Variants in MPDZ observed in about 807,000 individuals in gnomAD.
MPDZ encodes the protein multiple PDZ domain protein.
A neutral mutation model predicts 239.1 loss-of-function variants in MPDZ; 234 were observed. That is an observed-to-expected ratio of 0.98 (90% CI 0.88 to 1.09). The LOEUF (loss-of-function observed/expected upper bound fraction) is 1.09. MPDZ is among the 50% of genes least tolerant of loss of function. The pLI, the probability that MPDZ is intolerant of heterozygous loss-of-function variation, is 0.00. For synonymous variants in MPDZ, 1,048 were observed against 881.3 expected, an observed-to-expected ratio of 1.19 and a Z score of -3.35; for missense variants, 3,175 against 2,510.0, an observed-to-expected ratio of 1.26 and a Z score of -5.66.
intron 1 of MPDZ, among the ~76,000 whole-genome samples, chr9:13,250,635 C>G (rs943319322): frequency 6.6e-6 from 1 of 152,124 alleles, no homozygotes; most frequent in Non-Finnish European, 1.5e-5. Context: ...GCAGAAGTTT[C>G]AAACATATTT....
At chr9:13,216,538 G>A (rs1958370517) in intron 10 of MPDZ, among the ~76,000 whole-genome samples, 1 of 151,746 alleles carries the variant, frequency 6.6e-6, no homozygotes, top group Admixed American at 6.6e-5. Context: ...GATATATCAG[G>A]AATTATTCAA....
At chr9:13,127,142 C>T (rs1247639806) in intron 32 of MPDZ, among the ~76,000 whole-genome samples, 3 of 152,154 alleles carry the variant, frequency 2.0e-5, no homozygotes, top group East Asian at 1.9e-4. Flanking sequence ...CAAAGAATCC[C>T]GCTTCTTCTC....
At chr9:13,168,979 G>C (rs1024892925) in intron 21 of MPDZ, among the ~76,000 whole-genome samples, 2 of 152,044 alleles carry the variant, frequency 1.3e-5, no homozygotes, top group Admixed American at 1.3e-4. Context: ...GCAATTATCC[G>C]CTATTACCTT....
At chr9:13,174,400 CAGAT>C (rs1210316056) in intron 21 of MPDZ, among the ~76,000 whole-genome samples, 1 of 152,124 alleles carries the variant, frequency 6.6e-6, no homozygotes, top group East Asian at 1.9e-4. Context: ...TAATAGTTCT[CAGAT>C]AGGCTTTGCA....
chr9:13,149,176 C>A (rs533977278), intron 25 of MPDZ, among the ~76,000 whole-genome samples: 7 of 151,984 alleles, frequency 4.6e-5, no homozygotes, highest in Non-Finnish European at 1.0e-4. Context: ...TATCACTCTT[C>A]CTTATAAACG....
chr9:13,151,656 A>G (rs766517977), intron 24 of MPDZ, among the ~76,000 whole-genome samples: 5 of 152,050 alleles, frequency 3.3e-5, no homozygotes, highest in Non-Finnish European at 7.4e-5. Flanking sequence ...AAGGGGAGTT[A>G]TTGCTTAATG....
intron 12 of MPDZ, among the ~76,000 whole-genome samples, chr9:13,202,189 A>ACTGGAACTAAAACACTTCC (rs1158374030): frequency 7.9e-5 from 12 of 152,168 alleles, no homozygotes; most frequent in Non-Finnish European, 4.4e-5. Flanking sequence ...TTACATGAGT[A>ACTGGAACTAAAACACTTCC]CTGGAACTAA....
intron 1 of MPDZ, among the ~76,000 whole-genome samples, chr9:13,253,808 T>A (rs1398849925): frequency 3.3e-5 from 5 of 152,202 alleles, no homozygotes; most frequent in Non-Finnish European, 1.5e-5. Flanking sequence ...GCACTAATGC[T>A]GAAGCAGAAG....
At position 13,153,219 on chromosome 9, in the gene MPDZ, A is replaced by G. The variant is rs558656301; in HGVS notation, c.3453-2531T>C. ...GATGGGAACCAGCTGAAATGAAAGC[A>G]GACACTGAGGCACATCTTCCTTTGG... On this transcript the variant is annotated intron_variant, in intron 24 of 46. Coordinates refer to ENST00000319217, the MANE Select transcript of MPDZ (RefSeq NM_001378778.1). 2.0e-5 allele frequency among the ~76,000 whole-genome samples: 3 copies of G among 152,284 alleles called. No individual in the cohort carries two copies. The East Asian group carries it at 5.8e-4, about 29-fold the overall frequency.
chr9:13,202,871 A>G (rs2135538245), intron 12 of MPDZ, among the ~76,000 whole-genome samples: 1 of 152,178 alleles, frequency 6.6e-6, no homozygotes, highest in Non-Finnish European at 1.5e-5. Flanking sequence ...GTTCTGGTGA[A>G]CTCAGGGTGG....
chr9:13,199,583 T>C (rs987937187), intron 12 of MPDZ, among the ~76,000 whole-genome samples: 1 of 152,052 alleles, frequency 6.6e-6, no homozygotes, highest in African/African-American at 2.4e-5. Flanking sequence ...TTGTTCCAGA[T>C]CTTAGAGAAA....
At chr9:13,122,995 A>T (rs1944585063) in intron 36 of MPDZ, among the ~76,000 whole-genome samples, 158 bp downstream of exon 36, 1 of 152,222 alleles carries the variant, frequency 6.6e-6, no homozygotes, top group Admixed American at 6.5e-5. Flanking sequence ...CCTCCCCCGT[A>T]TCCAATTGAA....
In MPDZ at chr9:13,234,321, T is replaced by A. The variant is rs920812381; in HGVS notation, c.184-9738A>T. On this transcript the variant is annotated intron_variant, in intron 3 of 46. Transcript: ENST00000319217. ...TGCTATAAAGCATTAAAATATCACTTCTTATATTTCATCTATTCCTTCTGA... is the reference window on the plus strand; with the variant it reads ...TGCTATAAAGCATTAAAATATCACTACTTATATTTCATCTATTCCTTCTGA... Among the ~76,000 whole-genome samples the A allele has an allele frequency of 3.9e-5, 6 of 152,228 alleles. No individual in the cohort carries two copies. In the East Asian group the frequency reaches 9.6e-4, roughly 24 times the overall value.
At chr9:13,182,579 A>C (rs939784429) in intron 19 of MPDZ, among the ~76,000 whole-genome samples, 1 of 152,144 alleles carries the variant, frequency 6.6e-6, no homozygotes, top group African/African-American at 2.4e-5. Context: ...CAAAGAATCA[A>C]AAGAAAAATG....
intron 44 of MPDZ, among the ~76,000 whole-genome samples, chr9:13,110,434 C>T (rs1345263868): frequency 6.6e-6 from 1 of 152,106 alleles, no homozygotes; most frequent in African/African-American, 2.4e-5. Context: ...AAGTATAAAA[C>T]AATCAATGCA....
At chr9:13,190,082 TTTAAAAATTG>T (rs1954689092) in intron 16 of MPDZ, 22 bp downstream of exon 16, 1 of 1,582,362 alleles carries the variant, frequency 6.3e-7, no homozygotes, top group South Asian at 1.1e-5. Flanking sequence ...ACAATAGGCC[TTTAAAAATTG>T]TTAAAAGTAG....
chr9:13,227,790 T>G (rs1961104498), intron 3 of MPDZ, among the ~76,000 whole-genome samples: 1 of 152,160 alleles, frequency 6.6e-6, no homozygotes, highest in Non-Finnish European at 1.5e-5. Context: ...TCCTCCTGCT[T>G]CATCCCTGAC....
chr9:13,189,914 GA>G (rs1440008370), intron 16 of MPDZ, among the ~76,000 whole-genome samples, 199 bp downstream of exon 16: 2 of 152,002 alleles, frequency 1.3e-5, no homozygotes, highest in Non-Finnish European at 1.5e-5. Context: ...CCAATTCCAA[GA>G]GATGAAATAA....
chr9:13,176,784 G>A (rs533746580), intron 19 of MPDZ, among the ~76,000 whole-genome samples: 2 of 152,174 alleles, frequency 1.3e-5, no homozygotes, highest in African/African-American at 4.8e-5. Flanking sequence ...CACTTAAAGT[G>A]TAGTTTGTTT....
Sources: allele counts gnomAD v4.1 joint callset (sites outside exome capture counted in the v4.1 genomes callset), GRCh38; gene constraint gnomAD v4.1.1; transcripts MANE v1.5; gene names NCBI Gene and HGNC (gene_info 2026-07-23, HGNC 2026-07-21).